The following BCAS3 variants were observed in gnomAD, a reference collection of about 807,000 sequenced individuals.
The protein encoded by BCAS3 is BCAS4/BCAS3 fusion.
Under a neutral mutation model 116.1 loss-of-function variants are expected in BCAS3, and 53 were observed. The ratio of observed to expected loss-of-function variants is 0.46; its 90% CI spans 0.37 to 0.57. The LOEUF (loss-of-function observed/expected upper bound fraction) is 0.57, where lower values mean the gene tolerates loss of function less well. BCAS3 is among the 20% of genes least tolerant of loss of function. The pLI, the probability that BCAS3 is intolerant of heterozygous loss-of-function variation, is 0.00. For synonymous variants in BCAS3, 391 were observed against 408.2 expected, an observed-to-expected ratio of 0.96 and a Z score of 0.51; for missense variants, 917 against 1,165.4, an observed-to-expected ratio of 0.79 and a Z score of 3.10.
chr17:61,176,402 T>G lies in BCAS3; in HGVS notation c.2425+91838T>G, dbSNP rs954608695. ...TTTGTTTTCATTTTACTCAGTGATA[T>G]AATTTTTATTCTTACTTCCTGATAG... is the stretch of plus-strand genomic sequence containing the variant. On this transcript the variant is annotated intron_variant, in intron 22 of 23. Coordinates refer to ENST00000407086, the MANE Select transcript of BCAS3 (RefSeq NM_017679.5). 6.4e-4 allele frequency among the ~76,000 whole-genome samples: 97 copies of G among 150,716 alleles called. 1 individual carries two copies. The highest frequency in any genetic ancestry group is 2.1e-3 in the African/African-American group (89 of 41,408).
chr17:60,918,576 C>A (rs1381964693), intron 12 of BCAS3, among the ~76,000 whole-genome samples: 1 of 151,918 alleles, frequency 6.6e-6, no homozygotes, highest in Non-Finnish European at 1.5e-5. Flanking sequence ...TGTCTTTCTT[C>A]ATTCTTTTTT....
chr17:61,274,269 T>G (rs952552058), intron 22 of BCAS3, among the ~76,000 whole-genome samples: 36 of 150,684 alleles, frequency 2.4e-4, no homozygotes, highest in African/African-American at 8.1e-4. Context: ...ACACTTTCTT[T>G]AAAATCTTTG....
chr17:60,944,302 A>G (rs999041032), intron 13 of BCAS3, among the ~76,000 whole-genome samples: 1 of 152,232 alleles, frequency 6.6e-6, no homozygotes, highest in Non-Finnish European at 1.5e-5. Flanking sequence ...TACAGATATT[A>G]AAAGGATGAA....
Position 61,313,951 on chromosome 17 carries a change from G to A in BCAS3, c.2426-54376G>A, listed in dbSNP as rs148500995. On this transcript the variant is annotated intron_variant, in intron 22 of 23. Coordinates refer to ENST00000407086, the MANE Select transcript of BCAS3 (RefSeq NM_017679.5). This position sits in a 1 kb window ranked among gnomAD's most constrained non-coding sequence, Gnocchi z 4.3. ...GCTCCAGAGTCTCGTGGGGGAAGCC[G>A]GCTGGCAGCACACAGGCCATTCCTC... Among the ~76,000 whole-genome samples, 2,376 of 152,316 alleles carry A rather than the reference G, an allele frequency of 0.016. 33 individuals carry two copies. Among genetic ancestry groups the A allele is most frequent in the Non-Finnish European group, 0.022 (1,499 of 68,028 alleles).
chr17:60,917,115 C>A (rs2145127349), intron 12 of BCAS3, among the ~76,000 whole-genome samples: 1 of 152,280 alleles, frequency 6.6e-6, no homozygotes, highest in East Asian at 1.9e-4. Context: ...TCTAAATATT[C>A]ATCAACTGAT....
At chr17:61,142,244 C>T (rs551873151) in intron 22 of BCAS3, among the ~76,000 whole-genome samples, 7 of 152,194 alleles carry the variant, frequency 4.6e-5, no homozygotes, top group East Asian at 3.9e-4. Flanking sequence ...GTTATTTGCC[C>T]GGTTAGTAAT....
intron 23 of BCAS3, among the ~76,000 whole-genome samples, chr17:61,370,434 A>G (rs1463659007): frequency 6.6e-6 from 1 of 151,922 alleles, no homozygotes; most frequent in Non-Finnish European, 1.5e-5. Flanking sequence ...CTGTCACCAG[A>G]CTGGAGTGCT....
chr17:61,157,398 T>C (rs905712426), intron 22 of BCAS3: 3 of 152,208 alleles, frequency 2.0e-5, no homozygotes, highest in Non-Finnish European at 4.4e-5. Flanking sequence ...CATCAAACAG[T>C]GTAGGAATTA....
At chr17:61,271,383 C>T (rs8080891) in intron 22 of BCAS3, among the ~76,000 whole-genome samples, 3,719 of 134,260 alleles carry the variant, frequency 0.028, 186 homozygotes, top group African/African-American at 0.096. Context: ...GCCTCAGCCT[C>T]CCAAAGTGCT....
At chr17:60,852,530 A>T (rs993687420) in intron 7 of BCAS3, among the ~76,000 whole-genome samples, 1 of 152,328 alleles carries the variant, frequency 6.6e-6, no homozygotes, top group Admixed American at 6.5e-5. Flanking sequence ...AATAACTTTA[A>T]AAAAGAATTA....
chr17:60,749,206 G>A (rs2042243363), intron 6 of BCAS3, among the ~76,000 whole-genome samples: 1 of 152,184 alleles, frequency 6.6e-6, no homozygotes, highest in African/African-American at 2.4e-5. Flanking sequence ...GATATTGTCT[G>A]TCTTTATTCT....
chr17:60,921,626 A>C (rs1341536058), intron 12 of BCAS3, among the ~76,000 whole-genome samples: 3 of 151,126 alleles, frequency 2.0e-5, no homozygotes, highest in Admixed American at 1.3e-4. Context: ...AAAAAAAAAA[A>C]AAAAAAAAAA....
intron 23 of BCAS3, among the ~76,000 whole-genome samples, chr17:61,375,246 G>GTGTGTGCGCGCGCACA (rs1555861730): frequency 6.6e-6 from 1 of 150,666 alleles, no homozygotes; most frequent in African/African-American, 2.5e-5. Flanking sequence ...GTGTGTGTGT[G>GTGTGTGCGCGCGCACA]TGTGTGTGTA....
intron 22 of BCAS3, among the ~76,000 whole-genome samples, chr17:61,103,805 G>C (rs966032558): frequency 5.3e-5 from 8 of 152,168 alleles, no homozygotes; most frequent in Non-Finnish European, 1.2e-4. Flanking sequence ...CTCTCTCAAG[G>C]ATGCAGAAAA....
rs770932491 is a variant in BCAS3, at chr17:61,316,031, G to C, written c.2426-52296G>C. Among the ~76,000 whole-genome samples, 1 of 152,146 alleles carries C rather than the reference G, an allele frequency of 6.6e-6. No individual in the cohort carries two copies. The highest frequency in any genetic ancestry group is 6.5e-5 in the Admixed American group (1 of 15,272). On this transcript the variant is annotated intron_variant, in intron 22 of 23. Coordinates refer to ENST00000407086, the MANE Select transcript of BCAS3 (RefSeq NM_017679.5). The surrounding 1 kb of genome is among the most constrained non-coding windows in gnomAD (Gnocchi z 5.8). ...CATCTATAGCAGGTGCTGGCCAGGC[G>C]TGGTGGCTCACACCTTTGATCCCAG...
intron 22 of BCAS3, among the ~76,000 whole-genome samples, chr17:61,182,072 A>C (rs994758020): frequency 6.6e-6 from 1 of 151,918 alleles, no homozygotes; most frequent in Non-Finnish European, 1.5e-5. Flanking sequence ...ATGAGGTCCT[A>C]CTGTTTTGCC....
rs1286565523 is a variant in BCAS3, at chr17:61,008,132, C to T, written c.1487-7619C>T. 6.6e-6 allele frequency among the ~76,000 whole-genome samples: 1 copy of T among 151,984 alleles called. No individual in the cohort carries two copies. Among genetic ancestry groups the T allele is most frequent in the Non-Finnish European group, 1.5e-5 (1 of 67,962 alleles). ...TCCTGTGAACAAGCATTGCTTCCGC[C>T]CAGTTTGGTATGTGGGTCAGAAGGC... On this transcript the variant is annotated intron_variant, in intron 15 of 23. Coordinates refer to ENST00000407086, the MANE Select transcript of BCAS3 (RefSeq NM_017679.5). This position sits in a 1 kb window ranked among gnomAD's most constrained non-coding sequence, Gnocchi z 4.6.
At chr17:60,823,564 TTACAAACAA>T (rs998908817) in intron 7 of BCAS3, among the ~76,000 whole-genome samples, 2 of 152,128 alleles carry the variant, frequency 1.3e-5, no homozygotes, top group African/African-American at 4.8e-5. Flanking sequence ...ACTCTGTCTC[TTACAAACAA>T]AACAAAACGA....
At chr17:61,319,108 T>G (rs1421456692) in intron 22 of BCAS3, among the ~76,000 whole-genome samples, 1 of 152,228 alleles carries the variant, frequency 6.6e-6, no homozygotes, top group African/African-American at 2.4e-5. Context: ...ATTCCAAGAT[T>G]GGGAGAATGC....
Sources: allele counts gnomAD v4.1 joint callset (sites outside exome capture counted in the v4.1 genomes callset), GRCh38; gene constraint gnomAD v4.1.1; non-coding constraint Gnocchi (gnomAD v3.1); transcripts MANE v1.5; gene names NCBI Gene and HGNC (gene_info 2026-07-23, HGNC 2026-07-21).